The following ETF1 variants were observed in gnomAD, a reference collection of about 807,000 sequenced individuals.
ETF1 encodes eukaryotic peptide chain release factor subunit 1.
ETF1 carries 4 observed loss-of-function variants against 55.1 expected under a neutral mutation model. That is an observed-to-expected ratio of 0.07 (90% confidence interval 0.04 to 0.17). The LOEUF is 0.17. Ranked by LOEUF, ETF1 falls within the 10% of genes least tolerant of loss-of-function variation. ETF1 has a pLI of 1.00. For synonymous variants in ETF1, 157 were observed against 182.3 expected (o/e 0.86, Z 1.12); for missense variants, 142 against 523.6 (o/e 0.27, Z 7.11).
rs1232955449 is a variant in ETF1, at chr5:138,506,997, C to T, written c.*1308G>A. 3.3e-5 allele frequency: 5 copies of T among 152,368 alleles called. No individual in the cohort carries two copies. Among genetic ancestry groups the T allele is most frequent in the African/African-American group, 4.8e-5 (2 of 41,456 alleles). The allele number at this position is 152,368 out of a possible 1,614,324, so 9.4% of individuals were successfully genotyped here. The stretch of plus-strand genomic sequence containing the variant: ...ACTTTTTTCCATCGCTACCACTGGG[C>T]ACGTACTATACACTTTGTTCAACTG... On this transcript the variant is annotated 3_prime_UTR_variant, in exon 11 of 11. Coordinates refer to ENST00000360541, the MANE Select transcript of ETF1 (RefSeq NM_004730.4).
At position 138,515,835 on chromosome 5, in the gene ETF1, T is replaced by C. The variant is rs115518176; in HGVS notation, c.402+1726A>G. Among the ~76,000 whole-genome samples the C allele has an allele frequency of 5.0e-3, 766 of 152,310 alleles. 7 individuals carry two copies. The highest frequency in any genetic ancestry group is 8.9e-3 in the Non-Finnish European group (604 of 68,026). ...TCCCTGAAAAACCCTCTGCTGTAAG[T>C]AGAGTGTGGTAGTGAAGAGAAAAAC... On this transcript the variant is annotated intron_variant, in intron 4 of 10. Transcript: ENST00000360541.
chr5:138,509,147 G>A, intron 9 of ETF1: 6 of 985,370 alleles, frequency 6.1e-6, no homozygotes, highest in Non-Finnish European at 6.0e-6. Flanking sequence ...CCCATTCAAT[G>A]GCTCAGAAGA....
intron 2 of ETF1, among the ~76,000 whole-genome samples, chr5:138,519,756 A>C (rs1000574205): frequency 6.6e-6 from 1 of 152,160 alleles, no homozygotes; most frequent in South Asian, 2.1e-4. Flanking sequence ...AGGAGGAATG[A>C]CTGACAGCCT....
intron 7 of ETF1, 110 bp from the exon 8 acceptor site, chr5:138,511,310 AG>A: frequency 6.5e-7 from 1 of 1,527,040 alleles, no homozygotes. Flanking sequence ...GCTTTTACTG[AG>A]GCAAAAGAGT....
rs773630426 is a variant in ETF1 at position 138,511,169 on chromosome 5, C to T, written c.894G>A (p.Thr298=). Reference sequence around the variant, plus strand: ...CTTCAACGCCAAAACAGTACTTGCCCGTGTCCTGGCTGATTTCATCAAAGT... The same window carrying T: ...CTTCAACGCCAAAACAGTACTTGCCTGTGTCCTGGCTGATTTCATCAAAGT... ...GRYFDEISQD[T]GKYCFGVEDT... is the part of the protein sequence containing the mutation. Residue 298 remains threonine, a synonymous_variant, in exon 8 of 11, where the codon ACG becomes ACA. Transcript: ENST00000360541. The T allele has an allele frequency of 1.9e-5, 31 of 1,613,910 alleles. No homozygotes were observed. The Admixed American group carries it at 2.7e-4, about 14-fold the overall frequency.
intron 2 of ETF1, among the ~76,000 whole-genome samples, chr5:138,521,678 C>T (rs914545750): frequency 6.6e-6 from 1 of 152,148 alleles, no homozygotes; most frequent in Non-Finnish European, 1.5e-5. Context: ...AGGCTTGTGC[C>T]ACCAGGCCCA....
At chr5:138,534,965 C>CTTTTTT (rs70982719) in intron 2 of ETF1, among the ~76,000 whole-genome samples, 2 of 126,354 alleles carry the variant, frequency 1.6e-5, no homozygotes, top group African/African-American at 6.3e-5. Context: ...AAACTAGTTT[C>CTTTTTT]TTTTTTTTTT....
chr5:138,538,524 T>C (rs1410001339), intron 2 of ETF1, among the ~76,000 whole-genome samples: 3 of 152,104 alleles, frequency 2.0e-5, no homozygotes, highest in African/African-American at 7.2e-5. Context: ...AACCAACAGT[T>C]TGGGGGAAGG....
rs987541406 is a variant in ETF1, at chr5:138,507,778, G to A, written c.*527C>T. On this transcript the variant is annotated 3_prime_UTR_variant, in exon 11 of 11. Coordinates refer to ENST00000360541, the MANE Select transcript of ETF1 (RefSeq NM_004730.4). ...TTTCAACATTAAACAGAGACCAAGA[G>A]AGAAATGGTTCCAACATTTCACCAC... 2.6e-5 allele frequency: 4 copies of A among 153,008 alleles called. No individual in the cohort carries two copies. Among genetic ancestry groups the A allele is most frequent in the African/African-American group, 9.7e-5 (4 of 41,440 alleles). 9.5% of individuals were successfully genotyped at this position (153,008 alleles called of 1,614,324 possible).
Position 138,506,308 on chromosome 5 carries a change from C to A in ETF1, c.*1997G>T, listed in dbSNP as rs1178623700. ...ATGCAATATATATCACCGAAGAGAA[C>A]ACATTGATTAAAGAAATACAAAAAT... On this transcript the variant is annotated 3_prime_UTR_variant, in exon 11 of 11. Coordinates refer to ENST00000360541, the MANE Select transcript of ETF1 (RefSeq NM_004730.4). 6.6e-6 allele frequency: 1 copy of A among 152,478 alleles called. No homozygotes were observed. Among genetic ancestry groups the A allele is most frequent in the Non-Finnish European group, 1.5e-5 (1 of 68,004 alleles). 9.4% of individuals were successfully genotyped at this position (152,478 alleles called of 1,614,324 possible).
At chr5:138,530,076 C>G (rs1316649824) in intron 2 of ETF1, among the ~76,000 whole-genome samples, 1 of 151,864 alleles carries the variant, frequency 6.6e-6, no homozygotes, top group African/African-American at 2.4e-5. Flanking sequence ...TGTTCACCAT[C>G]ATCAACAATG....
At chr5:138,508,853 T>C in intron 9 of ETF1, 37 bp from the exon 10 acceptor site, 3 of 1,604,572 alleles carry the variant, frequency 1.9e-6, no homozygotes, top group Admixed American at 1.7e-5. Context: ...AATGGGGGAT[T>C]AGGATATATG....
chr5:138,518,601 G>T, intron 3 of ETF1, 91 bp downstream of exon 3: 1 of 1,072,896 alleles, frequency 9.3e-7, no homozygotes, highest in Non-Finnish European at 1.4e-6. Flanking sequence ...CGACTTAAGG[G>T]AACATTAGTG....
chr5:138,510,449 G>C, intron 9 of ETF1, 116 bp downstream of exon 9: 4 of 419,404 alleles, frequency 9.5e-6, no homozygotes, highest in South Asian at 2.2e-5. Context: ...ACCTCCCACA[G>C]CACCCCCAAT....
chr5:138,541,408 A>C (rs1000844238), intron 2 of ETF1: 27 of 701,756 alleles, frequency 3.8e-5, no homozygotes, highest in Non-Finnish European at 6.6e-5. Flanking sequence ...TCTCCAGTAA[A>C]CCGAAGGAGT....
At chr5:138,518,095 G>A (rs1308124957) in intron 3 of ETF1, among the ~76,000 whole-genome samples, 1 of 151,064 alleles carries the variant, frequency 6.6e-6, no homozygotes, top group African/African-American at 2.4e-5. Flanking sequence ...CCAGCTACTC[G>A]AGAGGCTGAG....
intron 2 of ETF1, among the ~76,000 whole-genome samples, chr5:138,525,074 T>C (rs1178451507): frequency 6.6e-6 from 1 of 152,134 alleles, no homozygotes; most frequent in Non-Finnish European, 1.5e-5. Context: ...AAGCATGTTT[T>C]CCCGAGAAGT....
rs367751940 is a variant in ETF1, at chr5:138,513,572, T to C, written c.537A>G (p.Lys179=). 38 of 1,605,244 alleles carry C rather than the reference T, an allele frequency of 2.4e-5. No homozygotes were observed. Among genetic ancestry groups the C allele is most frequent in the Non-Finnish European group, 3.2e-5 (38 of 1,173,250 alleles). The change falls in exon 5 of 11, where the codon AAA becomes AAG. Residue 179 remains lysine, a synonymous_variant. Coordinates refer to ENST00000360541, the MANE Select transcript of ETF1 (RefSeq NM_004730.4). ...LHKFTVDLPK[K]HGRGGQSALR... ...CATGTTCTCCTCCTGTATTACCGTGTTTCTTTGGGAGATCCACAGTGAATT... is the reference window on the plus strand; with the variant it reads ...CATGTTCTCCTCCTGTATTACCGTGCTTCTTTGGGAGATCCACAGTGAATT...
At chr5:138,508,423 T>C in intron 10 of ETF1, 36 bp from the exon 11 acceptor site, 1 of 1,611,562 alleles carries the variant, frequency 6.2e-7, no homozygotes, top group South Asian at 1.1e-5. Context: ...TTACCTGTGT[T>C]CATGGGATGG....
Sources: gnomAD v4.1 joint callset for allele counts (sites outside exome capture counted in the v4.1 genomes callset) on GRCh38, gnomAD v4.1.1 for gene constraint, MANE v1.5 for transcripts, NCBI Gene and HGNC (gene_info 2026-07-23, HGNC 2026-07-21) for gene names.